Variants in TBC1D16 observed in about 807,000 individuals in gnomAD.
TBC1D16 encodes TBC1 domain family member 16.
In TBC1D16, 58 loss-of-function variants were observed where a neutral mutation model predicts 74.7. That is an observed-to-expected ratio of 0.78 (90% CI 0.63 to 0.97). TBC1D16 has a LOEUF of 0.97. Among genes scored for constraint, TBC1D16 ranks in the 50% least tolerant of loss-of-function variants. TBC1D16 has a pLI of 0.00. For synonymous variants in TBC1D16, 493 were observed against 474.7 expected, an observed-to-expected ratio of 1.04 and a Z score of -0.50; for missense variants, 1,014 against 1,079.5, an observed-to-expected ratio of 0.94 and a Z score of 0.85.
chr17:79,950,957 A>C lies in TBC1D16; in HGVS notation c.1090-379T>G. Reference sequence around the variant, plus strand: ...ATCGCTGTTCTGCGAGCAGGGAGCCAGCCTGTCAGATTGCCTCCGCGAGCA... The same window carrying C: ...ATCGCTGTTCTGCGAGCAGGGAGCCCGCCTGTCAGATTGCCTCCGCGAGCA... On this transcript the variant is annotated intron_variant, in intron 5 of 11. Transcript: ENST00000310924. This position sits in a 1 kb window ranked among gnomAD's most constrained non-coding sequence, Gnocchi z 4.6. 1.8e-6 allele frequency: 2 copies of C among 1,087,008 alleles called. No homozygotes were observed. The highest frequency in any genetic ancestry group is 2.5e-6 in the Non-Finnish European group (2 of 785,968). The allele number at this position is 1,087,008 out of a possible 1,614,324, so 67.3% of individuals were successfully genotyped here.
Position 79,936,678 on chromosome 17 carries a change from G to C in TBC1D16, c.*4181C>G, listed in dbSNP as rs1188743710. ...ACCTTCGGGGGAAATTAGCTTTCTA[G>C]TTTGGGGGCGGTTCCCTCTGACTGG... is the stretch of plus-strand genomic sequence containing the variant. On this transcript the variant is annotated 3_prime_UTR_variant, in exon 12 of 12. Transcript: ENST00000310924. 1.3e-5 allele frequency: 2 copies of C among 152,360 alleles called. No homozygotes were observed. Among genetic ancestry groups the C allele is most frequent in the Non-Finnish European group, 2.9e-5 (2 of 68,188 alleles). The allele number at this position is 152,360 out of a possible 1,614,324, so 9.4% of individuals were successfully genotyped here.
chr17:80,024,390 CAT>C (rs1283615182), intron 1 of TBC1D16, among the ~76,000 whole-genome samples: 4 of 150,666 alleles, frequency 2.7e-5, no homozygotes, highest in East Asian at 1.9e-4. Flanking sequence ...CACCATACAC[CAT>C]AGACACACAT....
intron 8 of TBC1D16, among the ~76,000 whole-genome samples, chr17:79,948,228 G>T (rs548496226): frequency 1.3e-5 from 2 of 150,674 alleles, no homozygotes; most frequent in African/African-American, 4.9e-5. Context: ...CTGGAGAATC[G>T]CTTGAACCCG....
Position 79,949,763 on chromosome 17 carries a change from G to A in TBC1D16, c.1360C>T (p.Leu454=), listed in dbSNP as rs2032890589. 5 of 1,613,380 alleles carry A rather than the reference G, an allele frequency of 3.1e-6. No homozygotes were observed. Among genetic ancestry groups the A allele is most frequent in the Non-Finnish European group, 4.2e-6 (5 of 1,179,874 alleles). ...HESTSEEREA[L]RLQKRKEYSE... Reference sequence around the variant, plus strand: ...TACTCCTTTCGCTTCTGCAGCCGCAGCGCCTCCCGCTCCTCCGACGTGGAC... The same window carrying A: ...TACTCCTTTCGCTTCTGCAGCCGCAACGCCTCCCGCTCCTCCGACGTGGAC... The change falls in exon 7 of 12, where the codon CTG becomes TTG. Residue 454 remains leucine, a synonymous_variant. Transcript: ENST00000310924.
chr17:79,989,756 C>A (rs1199634125), intron 3 of TBC1D16, among the ~76,000 whole-genome samples: 1 of 152,252 alleles, frequency 6.6e-6, no homozygotes, highest in Non-Finnish European at 1.5e-5. Flanking sequence ...GCAGCCTCAG[C>A]ATCGGCCCTC....
At position 79,985,994 on chromosome 17, in the gene TBC1D16, G is replaced by A. The variant is rs951093778; in HGVS notation, c.779+24166C>T. On this transcript the variant is annotated intron_variant, in intron 3 of 11. Transcript: ENST00000310924. The surrounding 1 kb of genome is among the most constrained non-coding windows in gnomAD (Gnocchi z 4.9). Reference sequence around the variant, plus strand: ...TCCCAACGAAACTCTTCTGCCAGGCGGCATAAGGGGCGCGGCCCTCCGCTC... The same window carrying A: ...TCCCAACGAAACTCTTCTGCCAGGCAGCATAAGGGGCGCGGCCCTCCGCTC... 3.9e-5 allele frequency among the ~76,000 whole-genome samples: 6 copies of A among 152,224 alleles called. No individual in the cohort carries two copies. Among genetic ancestry groups the A allele is most frequent in the African/African-American group, 9.7e-5 (4 of 41,444 alleles).
intron 3 of TBC1D16, among the ~76,000 whole-genome samples, chr17:79,962,685 G>C (rs1222219212): frequency 6.6e-6 from 1 of 151,932 alleles, no homozygotes; most frequent in Non-Finnish European, 1.5e-5. Context: ...TGTAATTCCA[G>C]CACTTTGGGA....
At chr17:80,030,843 G>C (rs2036751098) in intron 1 of TBC1D16, among the ~76,000 whole-genome samples, 1 of 152,196 alleles carries the variant, frequency 6.6e-6, no homozygotes, top group African/African-American at 2.4e-5. Flanking sequence ...GTCACTGCCA[G>C]ACTGCTCAGG....
chr17:80,025,152 AC>A (rs2036529006), intron 1 of TBC1D16, among the ~76,000 whole-genome samples: 1 of 141,752 alleles, frequency 7.1e-6, no homozygotes, highest in Non-Finnish European at 1.5e-5. Context: ...ACACAAACAC[AC>A]CAGGACACAC....
At chr17:80,023,718 C>T (rs1276764014) in intron 1 of TBC1D16, among the ~76,000 whole-genome samples, 4 of 149,432 alleles carry the variant, frequency 2.7e-5, no homozygotes, top group African/African-American at 1.0e-4. Flanking sequence ...GCCCGCCTGG[C>T]CCCGCTGTGG....
chr17:79,974,963 T>G (rs1389666450), intron 3 of TBC1D16, among the ~76,000 whole-genome samples: 1 of 152,252 alleles, frequency 6.6e-6, no homozygotes, highest in African/African-American at 2.4e-5. Flanking sequence ...CCTCGGTTTT[T>G]GCCTTTGACC....
In TBC1D16 at chr17:79,950,523, G is replaced by C. The variant is rs537977666; in HGVS notation, c.1145C>G (p.Pro382Arg). 12 of 1,613,362 alleles carry C rather than the reference G, an allele frequency of 7.4e-6. No homozygotes were observed. The highest frequency in any genetic ancestry group is 6.7e-5 in the Admixed American group (4 of 59,960). The change falls in exon 6 of 12, where the codon CCG becomes CGG. Residue 382 changes from proline to arginine, a missense_variant. By Grantham distance (103) the Pro-to-Arg change is moderately radical (BLOSUM62 -2). Transcript: ENST00000310924. The surrounding 1 kb of genome is among the most constrained non-coding windows in gnomAD (Gnocchi z 4.6). ...MQFSIRRPKL[P>R]SSETHPEESM... is the part of the protein sequence containing the mutation. ...CTCCTCGGGGTGCGTCTCGGAGGAC[G>C]GCAGCTTGGGGCGGCGGATGGAGAA...
In TBC1D16 at chr17:79,941,709, C is replaced by G. The variant is rs920098658; in HGVS notation, c.2055+351G>C. ...CAGGTCCAGCCTCCTTCTCAGTGTT[C>G]CCAGTTCTGGGTTGTAAGCGAGGTA... On this transcript the variant is annotated intron_variant, in intron 11 of 11. Coordinates refer to ENST00000310924, the MANE Select transcript of TBC1D16 (RefSeq NM_019020.4). The surrounding 1 kb of genome is among the most constrained non-coding windows in gnomAD (Gnocchi z 4.3). Among the ~76,000 whole-genome samples the G allele has an allele frequency of 1.3e-5, 2 of 152,210 alleles. No homozygotes were observed. The highest frequency in any genetic ancestry group is 2.9e-5 in the Non-Finnish European group (2 of 68,040).
rs1454262047 is a variant in TBC1D16 at position 79,981,160 on chromosome 17, T to C, written c.780-28342A>G. Among the ~76,000 whole-genome samples the C allele has an allele frequency of 1.3e-5, 2 of 152,284 alleles. No homozygotes were observed. Among genetic ancestry groups the C allele is most frequent in the East Asian group, 3.9e-4 (2 of 5,192 alleles). On this transcript the variant is annotated intron_variant, in intron 3 of 11. Coordinates refer to ENST00000310924, the MANE Select transcript of TBC1D16 (RefSeq NM_019020.4). The surrounding 1 kb of genome is among the most constrained non-coding windows in gnomAD (Gnocchi z 6.9). ...GGACAGAACTTGTTTAGGCATCGTT[T>C]CCTCGCTCCCTCCTTAATCTCCACT...
At chr17:79,945,999 G>A (rs532202488) in intron 9 of TBC1D16, among the ~76,000 whole-genome samples, 111 of 152,324 alleles carry the variant, frequency 7.3e-4, no homozygotes, top group Non-Finnish European at 1.3e-3. Context: ...AAGCCCACTC[G>A]TGTGGCTGAC....
intron 9 of TBC1D16, 117 bp from the exon 10 acceptor site, chr17:79,945,204 A>G (rs2032416487): frequency 1.8e-6 from 2 of 1,134,574 alleles, no homozygotes. Context: ...AAGCACACCC[A>G]GGGGCCTCTA....
Position 80,023,145 on chromosome 17 carries a change from C to T in TBC1D16, c.-62-9536G>A, listed in dbSNP as rs532742474. ...ATGGCTCATCACAGGCAAGATTTAC[C>T]GCGAAATGGGACAGGCGGGGTCATT... On this transcript the variant is annotated intron_variant, in intron 1 of 11. Transcript: ENST00000310924. Among the ~76,000 whole-genome samples, 16 of 150,032 alleles carry T rather than the reference C, an allele frequency of 1.1e-4. 3 individuals carry two copies. The highest frequency in any genetic ancestry group is 4.1e-4 in the African/African-American group (16 of 39,466).
rs1039202219 is a variant in TBC1D16 at position 80,020,589 on chromosome 17, CAAAT to C, written c.-62-6984_-62-6981del. 3.1e-4 allele frequency among the ~76,000 whole-genome samples: 46 copies of C among 149,396 alleles called. 1 individual carries two copies. The highest frequency in any genetic ancestry group is 4.6e-4 in the Non-Finnish European group (31 of 67,914). On this transcript the variant is annotated intron_variant, in intron 1 of 11. Transcript: ENST00000310924. ...GACAGAGCGAGACTCCATCTCAAAA[CAAAT>C]AAATAAATAAAAATAAAAATTATAA...
intron 3 of TBC1D16, among the ~76,000 whole-genome samples, chr17:79,970,021 T>C (rs1021456701): frequency 1.1e-4 from 16 of 152,028 alleles, no homozygotes; most frequent in African/African-American, 3.9e-4. Context: ...ATTCATCATA[T>C]CCAAAAAGAG....
Sources: gnomAD v4.1 joint callset for allele counts (sites outside exome capture counted in the v4.1 genomes callset) on GRCh38, gnomAD v4.1.1 for gene constraint, Gnocchi (gnomAD v3.1) non-coding constraint, MANE v1.5 for transcripts, NCBI Gene and HGNC (gene_info 2026-07-23, HGNC 2026-07-21) for gene names.